Variants in GRID2 observed in about 807,000 individuals in gnomAD.
The protein encoded by GRID2 is glutamate ionotropic receptor delta type subunit 2.
Under a neutral mutation model 114.8 loss-of-function variants are expected in GRID2, and 33 were observed. That is an observed-to-expected ratio of 0.29 (90% CI 0.22 to 0.38). The LOEUF is 0.38. Among genes scored for constraint, GRID2 ranks in the 10% least tolerant of loss-of-function variants. The pLI, the probability that GRID2 is intolerant of heterozygous loss-of-function variation, is 1.00. For missense variants in GRID2, 1,184 were observed against 1,257.7 expected (o/e 0.94, Z 0.89); for synonymous variants, 505 against 449.9 (o/e 1.12, Z -1.55).
chr4:93,485,412 G>T (rs1369533796), intron 11 of GRID2, among the ~76,000 whole-genome samples: 1 of 151,358 alleles, frequency 6.6e-6, no homozygotes, highest in Non-Finnish European at 1.5e-5. Flanking sequence ...CTTTTCTTTT[G>T]TGTTAATGCA....
At chr4:93,232,697 T>C (rs1436103875) in intron 7 of GRID2, among the ~76,000 whole-genome samples, 6 of 151,810 alleles carry the variant, frequency 4.0e-5, no homozygotes, top group Non-Finnish European at 5.9e-5. Context: ...TGTCAAATAT[T>C]TAAGTACCAG....
intron 1 of GRID2, among the ~76,000 whole-genome samples, chr4:92,563,089 TTG>T (rs1727172764): frequency 2.0e-5 from 3 of 152,132 alleles, no homozygotes; most frequent in Admixed American, 2.0e-4. Flanking sequence ...GCAGTGGCCT[TTG>T]TGGAGTAACT....
chr4:92,434,174 A>G (rs1732615212), intron 1 of GRID2, among the ~76,000 whole-genome samples: 1 of 152,194 alleles, frequency 6.6e-6, no homozygotes, highest in Non-Finnish European at 1.5e-5. Flanking sequence ...GTGACATAAT[A>G]CAATTATTCT....
At chr4:92,404,014 C>T (rs928053630) in intron 1 of GRID2, among the ~76,000 whole-genome samples, 2 of 151,986 alleles carry the variant, frequency 1.3e-5, no homozygotes, top group African/African-American at 2.4e-5. Context: ...ATAATGAAAA[C>T]ATTTATGAAA....
chr4:92,658,497 A>G (rs1732355359), intron 2 of GRID2, among the ~76,000 whole-genome samples: 1 of 151,756 alleles, frequency 6.6e-6, no homozygotes, highest in Non-Finnish European at 1.5e-5. Context: ...TCTGGCCCAG[A>G]CAGCATTTGT....
intron 2 of GRID2, among the ~76,000 whole-genome samples, chr4:92,868,927 A>G (rs1283426006): frequency 6.6e-6 from 1 of 152,190 alleles, no homozygotes; most frequent in Non-Finnish European, 1.5e-5. Context: ...GGAAATGTAA[A>G]TAAGGGATTT....
At chr4:93,020,427 G>A (rs948579213) in intron 2 of GRID2, among the ~76,000 whole-genome samples, 6 of 151,974 alleles carry the variant, frequency 3.9e-5, no homozygotes, top group Non-Finnish European at 8.8e-5. Flanking sequence ...TAACATGATT[G>A]TATCACTAGA....
At chr4:93,661,694 A>G (rs760089010) in intron 14 of GRID2, among the ~76,000 whole-genome samples, 1 of 152,170 alleles carries the variant, frequency 6.6e-6, no homozygotes, top group Non-Finnish European at 1.5e-5. Flanking sequence ...ACAATGATTG[A>G]ATATCAGTGA....
chr4:92,702,192 A>G (rs556918024), intron 2 of GRID2, among the ~76,000 whole-genome samples: 4 of 152,148 alleles, frequency 2.6e-5, no homozygotes, highest in Non-Finnish European at 5.9e-5. Flanking sequence ...CCCACTTCAT[A>G]AAGCGCCCTC....
chr4:92,817,601 A>G (rs1452940454), intron 2 of GRID2, among the ~76,000 whole-genome samples: 3 of 151,702 alleles, frequency 2.0e-5, no homozygotes, highest in Non-Finnish European at 2.9e-5. Flanking sequence ...TTCAAATCTT[A>G]TATTTTATCT....
chr4:93,217,059 A>G (rs1579319882), intron 6 of GRID2, 148 bp downstream of exon 6: 1 of 517,882 alleles, frequency 1.9e-6, no homozygotes, highest in Non-Finnish European at 3.4e-6. Context: ...ATGGGGAGAA[A>G]GTGCTAAGAA....
chr4:92,465,230 TA>T (rs1311988597), intron 1 of GRID2, among the ~76,000 whole-genome samples: 1 of 151,656 alleles, frequency 6.6e-6, no homozygotes, highest in African/African-American at 2.4e-5. Context: ...GGCCGAGTTT[TA>T]AAAGATAACT....
At chr4:93,337,564 T>C (rs1473583199) in intron 8 of GRID2, among the ~76,000 whole-genome samples, 2 of 152,186 alleles carry the variant, frequency 1.3e-5, no homozygotes, top group African/African-American at 4.8e-5. Context: ...TTTATTATAT[T>C]GGATAGCAAG....
chr4:93,225,398 G>C (rs540682940), intron 7 of GRID2, among the ~76,000 whole-genome samples: 37 of 152,236 alleles, frequency 2.4e-4, no homozygotes, highest in African/African-American at 8.4e-4. Context: ...GCATTCTGCA[G>C]TTTATTAGAC....
intron 11 of GRID2, among the ~76,000 whole-genome samples, chr4:93,469,759 G>T (rs1247560458): frequency 1.3e-5 from 2 of 152,008 alleles, no homozygotes; most frequent in Non-Finnish European, 2.9e-5. Flanking sequence ...TGAAAATGAT[G>T]TACAGTTCTT....
chr4:92,960,915 C>G (rs1752753851), intron 2 of GRID2, among the ~76,000 whole-genome samples: 1 of 151,084 alleles, frequency 6.6e-6, no homozygotes, highest in Non-Finnish European at 1.5e-5. Flanking sequence ...TATATTTTTC[C>G]TTGGTTTCTT....
chr4:93,200,517 G>C (rs1173349302), intron 4 of GRID2, among the ~76,000 whole-genome samples: 1 of 151,986 alleles, frequency 6.6e-6, no homozygotes, highest in Non-Finnish European at 1.5e-5. Flanking sequence ...AGTGAGCCGA[G>C]ATCGCGCCAC....
At chr4:93,659,566 G>T (rs938793788) in intron 14 of GRID2, among the ~76,000 whole-genome samples, 3 of 152,206 alleles carry the variant, frequency 2.0e-5, no homozygotes, top group African/African-American at 7.2e-5. Context: ...AAGGGATGAT[G>T]AATGGAAGAT....
intron 1 of GRID2, among the ~76,000 whole-genome samples, chr4:92,570,216 T>G (rs1312235924): frequency 6.6e-6 from 1 of 152,108 alleles, no homozygotes; most frequent in African/African-American, 2.4e-5. Flanking sequence ...GAACAGGGTA[T>G]CTTTTCCTCA....
Sources: allele counts gnomAD v4.1 joint callset (sites outside exome capture counted in the v4.1 genomes callset), GRCh38; gene constraint gnomAD v4.1.1; transcripts MANE v1.5; gene names NCBI Gene and HGNC (gene_info 2026-07-23, HGNC 2026-07-21).